HSPH1: variants seen among roughly 807,000 people sequenced by gnomAD.
HSPH1 encodes heat shock protein family H (Hsp110) member 1.
Under a neutral mutation model 100.0 loss-of-function variants are expected in HSPH1, and 40 were observed. The ratio of observed to expected loss-of-function variants is 0.40; its 90% confidence interval spans 0.31 to 0.52. The LOEUF (loss-of-function observed/expected upper bound fraction) is 0.52, where lower values mean the gene tolerates loss of function less well. HSPH1 is among the 20% of genes least tolerant of loss of function. The pLI is 0.54. For missense variants in HSPH1, 876 were observed against 1,015.1 expected, an observed-to-expected ratio of 0.86 and a Z score of 1.86; for synonymous variants, 403 against 344.0, an observed-to-expected ratio of 1.17 and a Z score of -1.90.
intron 8 of HSPH1, among the ~76,000 whole-genome samples, chr13:31,149,376 C>T (rs1956395182): frequency 1.3e-5 from 2 of 152,098 alleles, no homozygotes; most frequent in South Asian, 2.1e-4. Context: ...TTATTTAAAA[C>T]TATATTTAGA....
chr13:31,138,948 A>T (rs781487935), intron 15 of HSPH1, 48 bp from the exon 16 acceptor site: 3 of 1,578,688 alleles, frequency 1.9e-6, no homozygotes, highest in South Asian at 2.3e-5. Context: ...TTTATTTTAA[A>T]GTCTATAGTT....
chr13:31,142,886 A>G (rs1037962221), intron 12 of HSPH1, among the ~76,000 whole-genome samples: 2 of 152,088 alleles, frequency 1.3e-5, no homozygotes, highest in Non-Finnish European at 2.9e-5. Context: ...ATCATCACAC[A>G]ACTTAACAGT....
Position 31,135,030 on chromosome 13 carries a change from A to G in HSPH1, c.*2288T>C, listed in dbSNP as rs1003367178. On this transcript the variant is annotated 3_prime_UTR_variant, in exon 18 of 18. Transcript: ENST00000320027. The stretch of plus-strand genomic sequence containing the variant: ...TGTCACAAAATGACAATTTAAAATG[A>G]ATTGTAAAATTTAATCTTTAAACAG... The G allele has an allele frequency of 2.6e-5, 4 of 152,232 alleles. No homozygotes were observed. The highest frequency in any genetic ancestry group is 7.2e-5 in the African/African-American group (3 of 41,456). 9.4% of individuals were successfully genotyped at this position (152,232 alleles called of 1,614,324 possible). A position where few individuals can be genotyped will look rare whatever the true frequency, so the allele number is the denominator to read the frequency against.
At chr13:31,156,259 G>A (rs776502050) in intron 2 of HSPH1, among the ~76,000 whole-genome samples, 6 of 152,058 alleles carry the variant, frequency 3.9e-5, no homozygotes, top group Non-Finnish European at 7.4e-5. Context: ...GCGTGGTTGC[G>A]GGCACCTGCA....
At chr13:31,138,606 T>A in intron 16 of HSPH1, 38 bp from the exon 17 acceptor site, 4 of 1,572,652 alleles carry the variant, frequency 2.5e-6, no homozygotes, top group Non-Finnish European at 3.4e-6. Flanking sequence ...TAGAATTTAT[T>A]GAACAATAGT....
intron 14 of HSPH1, among the ~76,000 whole-genome samples, chr13:31,139,515 G>A (rs183006850): frequency 1.4e-3 from 208 of 152,022 alleles, no homozygotes; most frequent in African/African-American, 4.7e-3. Context: ...TACCTGGTTC[G>A]GTCATCTCAA....
intron 1 of HSPH1, among the ~76,000 whole-genome samples, chr13:31,160,563 T>C (rs1435355623): frequency 6.6e-6 from 1 of 152,374 alleles, no homozygotes; most frequent in Non-Finnish European, 1.5e-5. Flanking sequence ...CAGATATGTT[T>C]GTATATATTC....
In HSPH1 at chr13:31,138,517, A is replaced by G. The variant is rs1316799370; in HGVS notation, c.2260T>C (p.Ser754Pro). 6.2e-7 allele frequency: 1 copy of G among 1,612,828 alleles called. No homozygotes were observed. The highest frequency in any genetic ancestry group is 1.3e-5 in the African/African-American group (1 of 74,948). ...DESEMKKVEK[S>P]VNEVMEWMNN... ...ATCCATTCCATCACTTCATTAACAG[A>G]CTTCTCCACTTTTTTCATTTCAGAC... The change falls in exon 17 of 18, where the codon TCT becomes CCT. Residue 754 changes from serine to proline, a missense_variant. Ser to Pro is a moderately conservative substitution (Grantham distance 74, BLOSUM62 -1). Coordinates refer to ENST00000320027, the MANE Select transcript of HSPH1 (RefSeq NM_006644.4).
In HSPH1 at chr13:31,150,155, T is replaced by A. The variant is rs1288484686; in HGVS notation, c.936A>T (p.Glu312Asp). ...GGGGTACTTCTATCTTTTGCAGAAG[T>A]TCAGCACAGAGTTCTTCAAATTGTG... ...NRSQFEELCA[E>D]LLQKIEVPLY... Residue 312 changes from glutamate to aspartate, a missense_variant, in exon 8 of 18, where the codon GAA (glutamate) becomes GAT (aspartate). By Grantham distance (45) the Glu-to-Asp change is conservative (BLOSUM62 2). Coordinates refer to ENST00000320027, the MANE Select transcript of HSPH1 (RefSeq NM_006644.4). 1 of 1,603,980 alleles carries A rather than the reference T, an allele frequency of 6.2e-7. No homozygotes were observed. Among genetic ancestry groups the A allele is most frequent in the Non-Finnish European group, 8.5e-7 (1 of 1,173,308 alleles).
chr13:31,149,911 T>G, intron 8 of HSPH1, 43 bp downstream of exon 8: 1 of 1,493,966 alleles, frequency 6.7e-7, no homozygotes, highest in African/African-American at 1.4e-5. Context: ...GTGGAAACTG[T>G]TTAAAGACTG....
intron 2 of HSPH1, among the ~76,000 whole-genome samples, chr13:31,156,446 C>A (rs1383470395): frequency 1.3e-5 from 2 of 152,006 alleles, no homozygotes; most frequent in Non-Finnish European, 2.9e-5. Context: ...TGCCTGTAAT[C>A]CCAGCTAATT....
At chr13:31,150,279 C>T (rs1956439422) in intron 7 of HSPH1, 97 bp from the exon 8 acceptor site, 2 of 839,304 alleles carry the variant, frequency 2.4e-6, no homozygotes, top group East Asian at 5.1e-5. Flanking sequence ...CCCTCAGACA[C>T]CTTGGATCCC....
chr13:31,161,333 G>C (rs1405074823), intron 1 of HSPH1, 143 bp downstream of exon 1: 2 of 1,412,188 alleles, frequency 1.4e-6, no homozygotes, highest in East Asian at 5.0e-5. Flanking sequence ...CCGGGTCGCT[G>C]GTCCCTAGTT....
intron 10 of HSPH1, among the ~76,000 whole-genome samples, chr13:31,145,983 A>G (rs1956253553): frequency 6.6e-6 from 1 of 152,048 alleles, no homozygotes; most frequent in African/African-American, 2.4e-5. Context: ...AATGAATAAT[A>G]AATTAGCCGA....
chr13:31,155,951 A>T (rs1956673018), intron 2 of HSPH1, among the ~76,000 whole-genome samples: 1 of 152,256 alleles, frequency 6.6e-6, no homozygotes. Flanking sequence ...AAAGACAGTG[A>T]AAACTATCAC....
At chr13:31,161,181 A>G (rs1956892803) in intron 1 of HSPH1, among the ~76,000 whole-genome samples, 1 of 152,158 alleles carries the variant, frequency 6.6e-6, no homozygotes, top group Non-Finnish European at 1.5e-5. Flanking sequence ...GACCCCCAGT[A>G]GGTTTTGAAA....
intron 7 of HSPH1, 44 bp from the exon 8 acceptor site, chr13:31,150,226 T>C (rs368582503): frequency 3.3e-5 from 44 of 1,345,408 alleles, no homozygotes; most frequent in Non-Finnish European, 4.3e-5. Context: ...AAGACCAATA[T>C]CCTGTCCTAC....
intron 14 of HSPH1, 36 bp downstream of exon 14, chr13:31,140,146 TGA>T (rs768452037): frequency 6.3e-7 from 1 of 1,581,496 alleles, no homozygotes; most frequent in South Asian, 1.1e-5. Context: ...ACACTTCATA[TGA>T]GACTATCTGA....
chr13:31,155,318 T>C (rs952149173), intron 3 of HSPH1, among the ~76,000 whole-genome samples, 196 bp downstream of exon 3: 9 of 152,200 alleles, frequency 5.9e-5, no homozygotes, highest in Non-Finnish European at 8.8e-5. Context: ...AATTAAGTTA[T>C]AGCATATATA....
Sources: gnomAD v4.1 joint callset for allele counts (sites outside exome capture counted in the v4.1 genomes callset) on GRCh38, gnomAD v4.1.1 for gene constraint, MANE v1.5 for transcripts, NCBI Gene and HGNC (gene_info 2026-07-23, HGNC 2026-07-21) for gene names.